Variants in LUZP1 observed in about 807,000 individuals in gnomAD.
LUZP1 encodes leucine zipper protein 1, also known as filamin mechanobinding actin cross-linking protein.
Under a neutral mutation model 71.3 loss-of-function variants are expected in LUZP1, and 25 were observed. That is an observed-to-expected ratio of 0.35 (90% confidence interval 0.26 to 0.49). The LOEUF (loss-of-function observed/expected upper bound fraction) is 0.49, where lower values mean the gene tolerates loss of function less well. Among genes scored for constraint, LUZP1 ranks in the 20% least tolerant of loss-of-function variants. The pLI, the probability that LUZP1 is intolerant of heterozygous loss-of-function variation, is 0.99. For missense variants in LUZP1, 1,142 were observed against 1,300.8 expected, an observed-to-expected ratio of 0.88 and a Z score of 1.88; for synonymous variants, 481 against 506.4, an observed-to-expected ratio of 0.95 and a Z score of 0.67.
Position 23,114,625 on chromosome 1 carries a change from C to T in LUZP1, c.-225-5498G>A, listed in dbSNP as rs143028092. Among the ~76,000 whole-genome samples the T allele has an allele frequency of 5.9e-3, 892 of 152,328 alleles. 9 individuals are homozygous for T. Among genetic ancestry groups the T allele is most frequent in the African/African-American group, 0.02 (812 of 41,564 alleles). ...TAAGCTGCAGAAGACATGTCAATTTCTTTAAGGCCTGCCTTTTGCTCACTT... is the reference window on the plus strand; with the variant it reads ...TAAGCTGCAGAAGACATGTCAATTTTTTTAAGGCCTGCCTTTTGCTCACTT... On this transcript the variant is annotated intron_variant, in intron 2 of 4. Transcript: ENST00000302291.
chr1:23,096,364 A>C (rs1173511380), intron 3 of LUZP1, among the ~76,000 whole-genome samples: 1 of 152,208 alleles, frequency 6.6e-6, no homozygotes, highest in Non-Finnish European at 1.5e-5. Flanking sequence ...AAAAAGGTCC[A>C]AAACAAGGAA....
At chr1:23,102,412 AAC>A (rs1643938901) in intron 3 of LUZP1, among the ~76,000 whole-genome samples, 1 of 152,156 alleles carries the variant, frequency 6.6e-6, no homozygotes, top group Admixed American at 6.5e-5. Context: ...CCCTTCTCCC[AAC>A]ACAGCTGCCA....
intron 2 of LUZP1, among the ~76,000 whole-genome samples, chr1:23,158,601 C>T (rs1297806131): frequency 8.5e-6 from 1 of 117,616 alleles, no homozygotes; most frequent in African/African-American, 3.4e-5. Context: ...GAGCCGAGAT[C>T]GTGCCATTGC....
At chr1:23,142,092 C>T (rs1166802369) in intron 2 of LUZP1, among the ~76,000 whole-genome samples, 1 of 151,888 alleles carries the variant, frequency 6.6e-6, no homozygotes, top group Admixed American at 6.6e-5. Context: ...GTGACCCACC[C>T]GCCTCAGCCT....
At chr1:23,084,334 A>C (rs143978099) in exon 5 of LUZP1, 1 of 152,246 alleles carries the variant, frequency 6.6e-6, no homozygotes, top group East Asian at 1.9e-4. Context: ...AGGTGTGGGA[A>C]GGCTCGTGGC....
At chr1:23,130,908 T>C (rs1331672838) in intron 2 of LUZP1, among the ~76,000 whole-genome samples, 2 of 151,986 alleles carry the variant, frequency 1.3e-5, no homozygotes, top group African/African-American at 4.8e-5. Context: ...AGCCAGCTCA[T>C]TTCCACCTTA....
intron 2 of LUZP1, among the ~76,000 whole-genome samples, chr1:23,168,008 T>C (rs1350895875): frequency 6.6e-6 from 1 of 151,326 alleles, no homozygotes; most frequent in South Asian, 2.1e-4. Context: ...CCACCATTAA[T>C]TAGTCCTAAG....
At chr1:23,172,408 C>A (rs899998884) in intron 1 of LUZP1, among the ~76,000 whole-genome samples, 9 of 152,044 alleles carry the variant, frequency 5.9e-5, no homozygotes, top group African/African-American at 2.2e-4. Context: ...CCTGTAATCC[C>A]AGTGCTTTGG....
chr1:23,122,045 T>G (rs2124668739), intron 2 of LUZP1, among the ~76,000 whole-genome samples: 1 of 152,140 alleles, frequency 6.6e-6, no homozygotes, highest in East Asian at 1.9e-4. Flanking sequence ...AATTAATTAA[T>G]TTTAAAAAGA....
At chr1:23,090,651 T>C (rs1643837822) in intron 4 of LUZP1, 1 of 570,350 alleles carries the variant, frequency 1.8e-6, no homozygotes, top group African/African-American at 1.9e-5. Flanking sequence ...TCACTTGGAA[T>C]TGGGTATACG....
intron 3 of LUZP1, among the ~76,000 whole-genome samples, chr1:23,095,800 T>G (rs571764946): frequency 2.0e-5 from 3 of 152,316 alleles, no homozygotes; most frequent in East Asian, 3.9e-4. Context: ...AGAGTTCAAA[T>G]TTATACCATC....
intron 3 of LUZP1, among the ~76,000 whole-genome samples, chr1:23,103,902 GGGGGGAA>G (rs1217854617): frequency 3.7e-3 from 9 of 2,410 alleles, no homozygotes; most frequent in South Asian, 7.6e-3. Context: ...GAGGGAGGGA[GGGGGGAA>G]GGAGGGAGGG....
At chr1:23,170,462 C>CTTT (rs200073505) in intron 1 of LUZP1, among the ~76,000 whole-genome samples, 73 of 127,404 alleles carry the variant, frequency 5.7e-4, no homozygotes, top group Non-Finnish European at 8.0e-4. Flanking sequence ...CTTTTTCTTT[C>CTTT]TTTTTTTTTT....
At chr1:23,159,632 ATAAAC>A (rs1039259911) in intron 2 of LUZP1, among the ~76,000 whole-genome samples, 1 of 152,234 alleles carries the variant, frequency 6.6e-6, no homozygotes, top group Admixed American at 6.5e-5. Flanking sequence ...GAATGAGTAA[ATAAAC>A]TAATGTATGA....
intron 2 of LUZP1, among the ~76,000 whole-genome samples, chr1:23,112,008 TAA>T: frequency 6.6e-6 from 1 of 152,214 alleles, no homozygotes; most frequent in Non-Finnish European, 1.5e-5. Context: ...GACATGTTAC[TAA>T]GGCCCAGGGG....
chr1:23,147,512 G>A (rs1302709487), intron 2 of LUZP1, among the ~76,000 whole-genome samples: 1 of 144,460 alleles, frequency 6.9e-6, no homozygotes, highest in African/African-American at 2.6e-5. Context: ...GCTCACACCT[G>A]TAAACCAAGC....
chr1:23,166,567 A>C (rs893534102), intron 2 of LUZP1, among the ~76,000 whole-genome samples: 2 of 149,792 alleles, frequency 1.3e-5, no homozygotes, highest in Non-Finnish European at 3.0e-5. Context: ...AGGCAGGAGA[A>C]TAGCTTAAAC....
At chr1:23,176,378 A>G (rs6700645) in intron 1 of LUZP1, among the ~76,000 whole-genome samples, 22,102 of 152,054 alleles carry the variant, frequency 0.15, 1,977 homozygotes, top group South Asian at 0.32. Flanking sequence ...TACTTCCTTG[A>G]CTTTTATTGA....
intron 2 of LUZP1, among the ~76,000 whole-genome samples, chr1:23,123,650 T>G (rs899122863): frequency 1.3e-5 from 2 of 152,178 alleles, no homozygotes; most frequent in Non-Finnish European, 2.9e-5. Context: ...ATCCTACTAC[T>G]AGGAAGTGGA....
Sources: gnomAD v4.1 joint callset for allele counts (sites outside exome capture counted in the v4.1 genomes callset) on GRCh38, gnomAD v4.1.1 for gene constraint, MANE v1.5 for transcripts, NCBI Gene and HGNC (gene_info 2026-07-23, HGNC 2026-07-21) for gene names.